The following RSPH1 variants were observed in gnomAD, a reference collection of about 807,000 sequenced individuals.
The protein encoded by RSPH1 is radial spoke head component 1.
In RSPH1, 32 loss-of-function variants were observed where a neutral mutation model predicts 44.2. The observed-to-expected ratio is 0.72, with a 90% CI of 0.55 to 0.97. The LOEUF is 0.97. Ranked by LOEUF, RSPH1 falls within the 50% of genes least tolerant of loss-of-function variation. The pLI is 0.00. For missense variants in RSPH1, 391 were observed against 398.7 expected, an observed-to-expected ratio of 0.98 and a Z score of 0.16; for synonymous variants, 134 against 147.3, an observed-to-expected ratio of 0.91 and a Z score of 0.65.
intron 7 of RSPH1, among the ~76,000 whole-genome samples, 165 bp downstream of exon 7, chr21:42,477,126 T>G (rs2054068082): frequency 8.3e-6 from 1 of 121,022 alleles, no homozygotes; most frequent in Non-Finnish European, 1.7e-5. Context: ...AGCCCGGGGA[T>G]GCCCCACACC....
chr21:42,492,931 A>G (rs1485719689), intron 2 of RSPH1, 35 bp downstream of exon 2: 1 of 1,598,850 alleles, frequency 6.3e-7, no homozygotes, highest in South Asian at 1.1e-5. Context: ...AGTATTAAAT[A>G]GAGAAAACCA....
chr21:42,472,812 T>C lies in RSPH1; in HGVS notation c.*6A>G, dbSNP rs1272322948. 1 of 1,605,960 alleles carries C rather than the reference T, an allele frequency of 6.2e-7. No homozygotes were observed. ...ATGATACGATCTCCTCTCGGCTCAC[T>C]TCATCTTAGTCCTGGAGGTCTGACT... On this transcript the variant is annotated 3_prime_UTR_variant, in exon 9 of 9. Coordinates refer to ENST00000291536, the MANE Select transcript of RSPH1 (RefSeq NM_080860.4).
At chr21:42,475,787 G>A (rs1250287088) in intron 8 of RSPH1, 111 bp downstream of exon 8, 24 of 1,258,996 alleles carry the variant, frequency 1.9e-5, no homozygotes, top group African/African-American at 4.9e-5. Flanking sequence ...AGCCTTCCTC[G>A]AGTCCCTGGG....
At position 42,477,418 on chromosome 21, in the gene RSPH1, T is replaced by C. The variant is rs776684725; in HGVS notation, c.600A>G (p.Glu200=). Residue 200 remains glutamate, a synonymous_variant, in exon 7 of 9, where the codon GAA becomes GAG. Coordinates refer to ENST00000291536, the MANE Select transcript of RSPH1 (RefSeq NM_080860.4). ...ATTTTGGAACAACAGTTACTAATTC[T>C]TCCTCCTCTTCCTCTTCTCCTCTTT... ...DMERGEEEEE[E]ELVTVVPKWK... The C allele has an allele frequency of 1.9e-6, 3 of 1,613,962 alleles. No individual in the cohort carries two copies. The highest frequency in any genetic ancestry group is 2.5e-6 in the Non-Finnish European group (3 of 1,179,938).
intron 3 of RSPH1, among the ~76,000 whole-genome samples, chr21:42,491,239 G>A (rs117696967): frequency 0.01 from 1,543 of 152,222 alleles, 11 homozygotes; most frequent in Non-Finnish European, 0.015. Flanking sequence ...TCTGAAGTGG[G>A]GCAGTCTTGG....
At position 42,486,534 on chromosome 21, in the gene RSPH1, G is replaced by C. The variant is rs571634463; in HGVS notation, c.275-73C>G. 7.6e-5 allele frequency: 82 copies of C among 1,076,774 alleles called. No homozygotes were observed. The African/African-American group carries it at 1.1e-3, about 15-fold the overall frequency. The allele number at this position is 1,076,774 out of a possible 1,614,324, so 66.7% of individuals were successfully genotyped here. On this transcript the variant is annotated intron_variant, in intron 3 of 8. Coordinates refer to ENST00000291536, the MANE Select transcript of RSPH1 (RefSeq NM_080860.4). Reference sequence around the variant, plus strand: ...ATGCCCTGTACCATGTCTTCAAATTGTTAACCATGGCAAAGGCAGATGTGT... The same window carrying C: ...ATGCCCTGTACCATGTCTTCAAATTCTTAACCATGGCAAAGGCAGATGTGT...
chr21:42,476,463 A>T (rs974785771), intron 7 of RSPH1, among the ~76,000 whole-genome samples: 1 of 152,178 alleles, frequency 6.6e-6, no homozygotes, highest in Non-Finnish European at 1.5e-5. Flanking sequence ...TAGCAGCATG[A>T]GTATTCTTTC....
rs567706338 is a variant in RSPH1 at position 42,476,398 on chromosome 21, C to T, written c.728-351G>A. On this transcript the variant is annotated intron_variant, in intron 7 of 8. Coordinates refer to ENST00000291536, the MANE Select transcript of RSPH1 (RefSeq NM_080860.4). The stretch of plus-strand genomic sequence containing the variant: ...GCTGGGACAGAGGGCAGAGGCTGCC[C>T]GGCCATTCTGGGGGCTGTCCCGGAG... Among the ~76,000 whole-genome samples the T allele has an allele frequency of 5.3e-5, 8 of 152,244 alleles. No homozygotes were observed. The South Asian group carries it at 6.2e-4, about 12-fold the overall frequency.
Position 42,482,655 on chromosome 21 carries a change from T to G in RSPH1, c.555A>C (p.Glu185Asp). ...AACTTACCATATCTGTTAAACGATA[T>G]TCACCATGTTGTTCACACCCAACAT... is the stretch of plus-strand genomic sequence containing the variant. Reference protein sequence around the residue: ...VFDVGCEQHGEYRLTDMERGE... With the variant: ...VFDVGCEQHGDYRLTDMERGE... Residue 185 changes from glutamate to aspartate, a missense_variant, in exon 6 of 9, where the codon GAA (glutamate) becomes GAC (aspartate). Transcript: ENST00000291536. 3 of 1,612,870 alleles carry G rather than the reference T, an allele frequency of 1.9e-6. No individual in the cohort carries two copies. Among genetic ancestry groups the G allele is most frequent in the Non-Finnish European group, 2.5e-6 (3 of 1,179,304 alleles).
At chr21:42,476,355 G>A (rs1419912890) in intron 7 of RSPH1, among the ~76,000 whole-genome samples, 5 of 152,168 alleles carry the variant, frequency 3.3e-5, no homozygotes, top group South Asian at 4.1e-4. Flanking sequence ...CCAGCCAGGG[G>A]AGCCAGCAGA....
Position 42,485,746 on chromosome 21 carries a change from C to A in RSPH1, c.424G>T (p.Val142Leu), listed in dbSNP as rs1194318649. Residue 142 changes from valine (V) to leucine (L), a missense_variant, in exon 5 of 9, where the codon GTG (valine) becomes TTG (leucine). Coordinates refer to ENST00000291536, the MANE Select transcript of RSPH1 (RefSeq NM_080860.4). ...ETGSKYVGTWVNGQQEGTAEL... is the reference protein window; with the variant it reads ...ETGSKYVGTWLNGQQEGTAEL... ...GCCGTGCCCTCCTGCTGTCCGTTCA[C>A]CCAGGTGCCAACATACTTACTGCCC... The A allele has an allele frequency of 5.6e-6, 9 of 1,614,214 alleles. No homozygotes were observed. The highest frequency in any genetic ancestry group is 7.6e-6 in the Non-Finnish European group (9 of 1,180,038).
intron 1 of RSPH1, among the ~76,000 whole-genome samples, 196 bp from the exon 2 acceptor site, chr21:42,493,275 G>A (rs528723319): frequency 3.3e-5 from 5 of 152,288 alleles, no homozygotes; most frequent in African/African-American, 4.8e-5. Context: ...ACTAGACCAA[G>A]GCCACACCCC....
chr21:42,486,178 T>C (rs2054178847), intron 4 of RSPH1, 193 bp downstream of exon 4: 1 of 595,198 alleles, frequency 1.7e-6, no homozygotes, highest in African/African-American at 1.9e-5. Context: ...GGTGCAGATG[T>C]CAGATACTTG....
At chr21:42,486,992 C>T (rs866571487) in intron 3 of RSPH1, among the ~76,000 whole-genome samples, 1 of 152,180 alleles carries the variant, frequency 6.6e-6, no homozygotes, top group East Asian at 1.9e-4. Flanking sequence ...CACCTGGCAG[C>T]ATTTCAGTCT....
intron 5 of RSPH1, 73 bp from the exon 6 acceptor site, chr21:42,482,781 C>A: frequency 9.3e-7 from 1 of 1,080,484 alleles, no homozygotes; most frequent in South Asian, 1.3e-5. Flanking sequence ...GTCACCACCA[C>A]AATACCCACC....
intron 5 of RSPH1, chr21:42,484,556 G>A (rs897401661): frequency 6.6e-6 from 1 of 152,180 alleles, no homozygotes; most frequent in African/African-American, 2.4e-5. Context: ...GGAAGGATTG[G>A]GCCCAGGGTG....
At chr21:42,473,439 G>A (rs1321255934) in intron 8 of RSPH1, among the ~76,000 whole-genome samples, 7 of 149,152 alleles carry the variant, frequency 4.7e-5, no homozygotes, top group Admixed American at 1.3e-4. Flanking sequence ...TCAGTGAGCC[G>A]AGGTCACGCC....
At chr21:42,486,293 G>T in intron 4 of RSPH1, 78 bp downstream of exon 4, 1 of 1,067,584 alleles carries the variant, frequency 9.4e-7, no homozygotes, top group Non-Finnish European at 1.5e-6. Flanking sequence ...CTGTTCCTCA[G>T]TAAGTGTAAA....
intron 7 of RSPH1, 48 bp from the exon 8 acceptor site, chr21:42,476,095 G>A (rs1452698260): frequency 1.2e-6 from 2 of 1,606,886 alleles, no homozygotes; most frequent in East Asian, 2.2e-5. Flanking sequence ...GAAAAATGGA[G>A]CCTGCAGACC....
Sources: gnomAD v4.1 joint callset for allele counts (sites outside exome capture counted in the v4.1 genomes callset) on GRCh38, gnomAD v4.1.1 for gene constraint, MANE v1.5 for transcripts, NCBI Gene and HGNC (gene_info 2026-07-23, HGNC 2026-07-21) for gene names.